The following NOL4 variants were observed in gnomAD, a reference collection of about 807,000 sequenced individuals.
The protein encoded by NOL4 is nucleolar protein 4.
Under a neutral mutation model 75.9 loss-of-function variants are expected in NOL4, and 17 were observed. The ratio of observed to expected loss-of-function variants is 0.22; its 90% confidence interval spans 0.15 to 0.34. The LOEUF (loss-of-function observed/expected upper bound fraction) is 0.34, where lower values mean the gene tolerates loss of function less well. NOL4 is among the 10% of genes least tolerant of loss of function. The pLI, the probability that NOL4 is intolerant of heterozygous loss-of-function variation, is 1.00. For synonymous variants in NOL4, 292 were observed against 289.9 expected (o/e 1.01, Z -0.07); for missense variants, 614 against 793.5 (o/e 0.77, Z 2.72).
At chr18:34,108,724 CA>C (rs1209113201) in intron 2 of NOL4, among the ~76,000 whole-genome samples, 1 of 152,134 alleles carries the variant, frequency 6.6e-6, no homozygotes, top group Non-Finnish European at 1.5e-5. Flanking sequence ...GAGGGATAAA[CA>C]AACAGCAACA....
At position 33,879,411 on chromosome 18, in the gene NOL4, C is replaced by A. The variant is rs576359526; in HGVS notation, c.1723+3833G>T. Among the ~76,000 whole-genome samples, 142 of 152,138 alleles carry A rather than the reference C, an allele frequency of 9.3e-4. 2 individuals are homozygous for A. The highest frequency in any genetic ancestry group is 7.3e-3 in the South Asian group (35 of 4,820). The stretch of plus-strand genomic sequence containing the variant: ...TCCTGGCTGGGCATGGTGGCTTACA[C>A]CTGTAAACCCAGAAGTTTGGGAGAC... On this transcript the variant is annotated intron_variant, in intron 10 of 10. Transcript: ENST00000261592.
In NOL4 at chr18:34,087,129, C is replaced by T. The variant is rs2145468248; in HGVS notation, c.772+6336G>A. 1.3e-5 allele frequency among the ~76,000 whole-genome samples: 2 copies of T among 152,194 alleles called. 1 individual carries two copies. The highest frequency in any genetic ancestry group is 4.1e-4 in the South Asian group (2 of 4,824). ...ACAAGCATAGTGTGGAGCACTGGTT[C>T]CCATACTTACATCCCACACAATTGT... On this transcript the variant is annotated intron_variant, in intron 5 of 10. Coordinates refer to ENST00000261592, the MANE Select transcript of NOL4 (RefSeq NM_003787.5).
intron 5 of NOL4, among the ~76,000 whole-genome samples, chr18:34,025,241 G>A (rs541757375): frequency 6.6e-6 from 1 of 152,220 alleles, no homozygotes; most frequent in South Asian, 2.1e-4. Flanking sequence ...ATATGATCTT[G>A]CCCAAAGAAT....
At chr18:33,959,629 A>G (rs1195841465) in intron 6 of NOL4, among the ~76,000 whole-genome samples, 1 of 152,112 alleles carries the variant, frequency 6.6e-6, no homozygotes, top group Admixed American at 6.6e-5. Context: ...TTCATGATAT[A>G]AAAGATATTT....
At chr18:33,862,256 T>C (rs1446471810) in intron 10 of NOL4, among the ~76,000 whole-genome samples, 3 of 151,902 alleles carry the variant, frequency 2.0e-5, no homozygotes, top group Non-Finnish European at 2.9e-5. Context: ...TTACACCTTA[T>C]ACAAAAATTA....
intron 1 of NOL4, 67 bp downstream of exon 1, chr18:34,222,923 C>T: frequency 6.4e-7 from 1 of 1,569,536 alleles, no homozygotes; most frequent in Non-Finnish European, 8.6e-7. Flanking sequence ...TCTCCCGCCT[C>T]TCTCCTTCCT....
chr18:33,972,611 G>A (rs1265632132), intron 6 of NOL4, among the ~76,000 whole-genome samples: 1 of 151,954 alleles, frequency 6.6e-6, no homozygotes. Flanking sequence ...CTCACTTCTG[G>A]GTATATACAG....
At chr18:33,982,742 ATTTTTTTTTTT>A (rs953221382) in intron 6 of NOL4, among the ~76,000 whole-genome samples, 11 of 104,908 alleles carry the variant, frequency 1.0e-4, no homozygotes, top group Non-Finnish European at 1.5e-4. Context: ...AGACAATGGG[ATTTTTTTTTTT>A]TTTTTTTTTT....
chr18:34,106,013 T>C (rs1306502425), intron 2 of NOL4, among the ~76,000 whole-genome samples: 1 of 152,086 alleles, frequency 6.6e-6, no homozygotes, highest in Non-Finnish European at 1.5e-5. Context: ...CAGACAGTGC[T>C]ACTAAGAAGT....
At chr18:34,121,829 G>T (rs1311323951) in intron 2 of NOL4, among the ~76,000 whole-genome samples, 1 of 152,092 alleles carries the variant, frequency 6.6e-6, no homozygotes, top group Non-Finnish European at 1.5e-5. Flanking sequence ...GAACAAGAAG[G>T]CATTTTGGTT....
chr18:34,220,747 A>C (rs1405573534), intron 1 of NOL4, among the ~76,000 whole-genome samples: 1 of 152,180 alleles, frequency 6.6e-6, no homozygotes. Flanking sequence ...TCAATATTTC[A>C]AAACAGGCTT....
At chr18:33,856,216 T>C (rs1001301558) in intron 10 of NOL4, among the ~76,000 whole-genome samples, 1 of 152,068 alleles carries the variant, frequency 6.6e-6, no homozygotes, top group Non-Finnish European at 1.5e-5. Flanking sequence ...AGATTCTTTC[T>C]ATAGCCAATA....
chr18:34,000,270 T>G (rs1332737866), intron 6 of NOL4, among the ~76,000 whole-genome samples: 1 of 151,906 alleles, frequency 6.6e-6, no homozygotes, highest in African/African-American at 2.4e-5. Context: ...TTGCTCAGAG[T>G]GGGAAGCCAG....
rs2037479413 is a variant in NOL4, at chr18:34,223,947, T to A, written c.-694A>T. 6.6e-6 allele frequency: 1 copy of A among 152,266 alleles called. No homozygotes were observed. Among genetic ancestry groups the A allele is most frequent in the African/African-American group, 2.4e-5 (1 of 41,478 alleles). The allele number at this position is 152,266 out of a possible 1,614,324, so 9.4% of individuals were successfully genotyped here. A position where few individuals can be genotyped will look rare whatever the true frequency, so the allele number is the denominator to read the frequency against. On this transcript the variant is annotated 5_prime_UTR_variant, in exon 1 of 11. Transcript: ENST00000261592. ...ACCTATCAAATTCTGTTTTACAGAA[T>A]TTTTTATCAAGATATTTTTTAAAAC...
intron 9 of NOL4, among the ~76,000 whole-genome samples, chr18:33,910,309 G>T (rs2066319669): frequency 6.6e-6 from 1 of 152,022 alleles, no homozygotes; most frequent in Non-Finnish European, 1.5e-5. Flanking sequence ...CTTGCTCTCT[G>T]GACTCTAGGG....
At chr18:34,184,679 C>A (rs1363454477) in intron 1 of NOL4, among the ~76,000 whole-genome samples, 1 of 152,026 alleles carries the variant, frequency 6.6e-6, no homozygotes, top group African/African-American at 2.4e-5. Context: ...ATAAAAGCTC[C>A]TTATGAATTC....
intron 9 of NOL4, among the ~76,000 whole-genome samples, chr18:33,900,527 C>T (rs557887010): frequency 1.3e-4 from 20 of 152,114 alleles, no homozygotes; most frequent in Non-Finnish European, 2.5e-4. Context: ...ACCAACTAAT[C>T]TGAAGTTACT....
At chr18:34,213,835 G>T (rs1348531999) in intron 1 of NOL4, among the ~76,000 whole-genome samples, 1 of 152,130 alleles carries the variant, frequency 6.6e-6, no homozygotes, top group Non-Finnish European at 1.5e-5. Flanking sequence ...TAAAATCAAA[G>T]AAGTATAATT....
intron 9 of NOL4, among the ~76,000 whole-genome samples, chr18:33,917,053 T>C (rs1599859613): frequency 6.6e-6 from 1 of 152,324 alleles, no homozygotes; most frequent in African/African-American, 2.4e-5. Flanking sequence ...GAAGGCTGGA[T>C]TTGCTGATAA....
Sources: allele counts gnomAD v4.1 joint callset (sites outside exome capture counted in the v4.1 genomes callset), GRCh38; gene constraint gnomAD v4.1.1; transcripts MANE v1.5; gene names NCBI Gene and HGNC (gene_info 2026-07-23, HGNC 2026-07-21).